The following DNAH7 variants were observed in gnomAD, a reference collection of about 807,000 sequenced individuals.
DNAH7 encodes the protein axonemal beta dynein heavy chain 7.
In DNAH7, 397 loss-of-function variants were observed where a neutral mutation model predicts 444.6. The ratio of observed to expected loss-of-function variants is 0.89; its 90% confidence interval spans 0.82 to 0.97. The LOEUF is 0.97. DNAH7 is among the 50% of genes least tolerant of loss of function. The probability of loss-of-function intolerance (pLI) is 0.00; values close to 1 mark genes in which losing one functional copy is unlikely to be tolerated. For missense variants in DNAH7, 4,902 were observed against 4,800.8 expected, an observed-to-expected ratio of 1.02 and a Z score of -0.62; for synonymous variants, 1,636 against 1,624.4, an observed-to-expected ratio of 1.01 and a Z score of -0.17.
intron 19 of DNAH7, among the ~76,000 whole-genome samples, chr2:195,943,173 A>G (rs1390448645): frequency 6.6e-6 from 1 of 152,188 alleles, no homozygotes; most frequent in East Asian, 1.9e-4. Context: ...CTGTAAGTCA[A>G]TTAAACCTCT....
intron 63 of DNAH7, among the ~76,000 whole-genome samples, chr2:195,746,491 C>T (rs1188133188): frequency 5.3e-5 from 8 of 152,144 alleles, no homozygotes; most frequent in East Asian, 3.8e-4. Flanking sequence ...CTGCACCAAG[C>T]GGACCTAATA....
chr2:196,038,321 TAA>T (rs1696522586), intron 5 of DNAH7, among the ~76,000 whole-genome samples: 1 of 151,886 alleles, frequency 6.6e-6, no homozygotes, highest in Admixed American at 6.6e-5. Context: ...CACTAAAGCA[TAA>T]AATTCACTAG....
At chr2:196,049,391 C>A (rs1276855732) in intron 3 of DNAH7, among the ~76,000 whole-genome samples, 2 of 152,120 alleles carry the variant, frequency 1.3e-5, no homozygotes, top group African/African-American at 4.8e-5. Context: ...CTCATAGAAG[C>A]GCTACGAGGA....
chr2:196,021,012 ATGT>A (rs1201737100), intron 8 of DNAH7, among the ~76,000 whole-genome samples: 3 of 152,198 alleles, frequency 2.0e-5, no homozygotes, highest in Non-Finnish European at 4.4e-5. Flanking sequence ...TTATTCCTAA[ATGT>A]TATTATTAGA....
chr2:196,060,420 G>T (rs1186212213), intron 1 of DNAH7, among the ~76,000 whole-genome samples: 1 of 152,080 alleles, frequency 6.6e-6, no homozygotes. Context: ...TCAGTCTAAA[G>T]ATTTTCTGCT....
intron 63 of DNAH7, among the ~76,000 whole-genome samples, chr2:195,749,415 T>A (rs1028440637): frequency 5.9e-5 from 9 of 151,794 alleles, no homozygotes; most frequent in Non-Finnish European, 8.8e-5. Flanking sequence ...ATTGTGGAAG[T>A]CAGTGTGGCG....
intron 19 of DNAH7, among the ~76,000 whole-genome samples, chr2:195,939,833 T>C (rs548622439): frequency 2.0e-3 from 297 of 152,072 alleles, no homozygotes; most frequent in African/African-American, 6.8e-3. Flanking sequence ...GGAAGTTTCA[T>C]AGAAAATACG....
Position 195,853,417 on chromosome 2 carries a change from T to G in DNAH7, c.8707A>C (p.Asn2903His). The G allele has an allele frequency of 6.2e-7, 1 of 1,614,106 alleles. No homozygotes were observed. Among genetic ancestry groups the G allele is most frequent in the Non-Finnish European group, 8.5e-7 (1 of 1,179,988 alleles). Residue 2903 changes from asparagine (N) to histidine (H), a missense_variant, in exon 46 of 65, where the codon AAC (asparagine) becomes CAC (histidine). Physicochemically the swap from Asn to His is moderately conservative, Grantham distance 68. Transcript: ENST00000312428. ...TALELGQLYI[N>H]LTGDILISSG... Reference sequence around the variant, plus strand: ...GAAATGAGGATATCCCCAGTCAAGTTGATGTACAGCTGACCTAGCTCCAGA... The same window carrying G: ...GAAATGAGGATATCCCCAGTCAAGTGGATGTACAGCTGACCTAGCTCCAGA...
intron 17 of DNAH7, among the ~76,000 whole-genome samples, chr2:195,968,087 T>C (rs1691601494): frequency 6.6e-6 from 1 of 152,210 alleles, no homozygotes; most frequent in African/African-American, 2.4e-5. Context: ...CTGTCAGGCC[T>C]GGGACTCAGC....
intron 39 of DNAH7, 24 bp downstream of exon 39, chr2:195,873,544 A>T: frequency 7.8e-7 from 1 of 1,284,224 alleles, no homozygotes; most frequent in Non-Finnish European, 1.0e-6. Context: ...CTAATTAAAA[A>T]AAAAACAAAT....
chr2:196,012,912 A>G lies in DNAH7; in HGVS notation c.870-6T>C. 6.8e-7 allele frequency: 1 copy of G among 1,476,676 alleles called. No homozygotes were observed. The highest frequency in any genetic ancestry group is 9.0e-7 in the Non-Finnish European group (1 of 1,110,120). 91.5% of individuals were successfully genotyped at this position (1,476,676 alleles called of 1,614,324 possible). A position where few individuals can be genotyped will look rare whatever the true frequency, so the allele number is the denominator to read the frequency against. ...TATCAACTAAACGTAATTTTCTGCA[A>G]AAGATAAAAATAAACAGTAATTTAA... is the stretch of plus-strand genomic sequence containing the variant. On this transcript the variant is annotated splice_region_variant and splice_polypyrimidine_tract_variant and intron_variant, in intron 9 of 64. Coordinates refer to ENST00000312428, the MANE Select transcript of DNAH7 (RefSeq NM_018897.3).
chr2:196,004,105 T>C (rs1694212453), intron 10 of DNAH7, among the ~76,000 whole-genome samples: 1 of 152,156 alleles, frequency 6.6e-6, no homozygotes, highest in South Asian at 2.1e-4. Flanking sequence ...ACAAGTTAGA[T>C]CTATATTACA....
intron 57 of DNAH7, 141 bp from the exon 58 acceptor site, chr2:195,787,312 A>G (rs1695669206): frequency 1.1e-6 from 1 of 908,204 alleles, no homozygotes. Flanking sequence ...ATTATAACAG[A>G]GTTAAGTATG....
intron 64 of DNAH7, among the ~76,000 whole-genome samples, 185 bp downstream of exon 64, chr2:195,740,579 CTG>C (rs1692936793): frequency 8.4e-6 from 1 of 118,694 alleles, no homozygotes; most frequent in Non-Finnish European, 1.7e-5. Context: ...CAAGAATTGA[CTG>C]TATATGTGTG....
chr2:195,930,158 C>G (rs1688596783), intron 21 of DNAH7, among the ~76,000 whole-genome samples: 1 of 152,138 alleles, frequency 6.6e-6, no homozygotes, highest in Non-Finnish European at 1.5e-5. Context: ...TCCTGGTCAA[C>G]ACGATGAAAC....
intron 58 of DNAH7, among the ~76,000 whole-genome samples, chr2:195,784,331 T>C (rs1048921500): frequency 1.3e-5 from 2 of 152,238 alleles, no homozygotes; most frequent in Admixed American, 1.3e-4. Flanking sequence ...TTTCAGGATG[T>C]CATATAGTCG....
At chr2:196,026,255 C>A (rs956165140) in intron 7 of DNAH7, among the ~76,000 whole-genome samples, 1 of 152,144 alleles carries the variant, frequency 6.6e-6, no homozygotes, top group African/African-American at 2.4e-5. Flanking sequence ...TGCCTGTGAG[C>A]TATAGTTTGT....
intron 19 of DNAH7, among the ~76,000 whole-genome samples, chr2:195,954,191 C>G (rs570219293): frequency 6.6e-6 from 1 of 152,214 alleles, no homozygotes; most frequent in African/African-American, 2.4e-5. Context: ...CCCCACCCCA[C>G]GACAGGCCCT....
At chr2:195,927,712 G>C (rs1688431644) in intron 21 of DNAH7, among the ~76,000 whole-genome samples, 1 of 151,272 alleles carries the variant, frequency 6.6e-6, no homozygotes, top group Non-Finnish European at 1.5e-5. Context: ...AATATTATAT[G>C]TAAAGTCTAT....
Sources: gnomAD v4.1 joint callset for allele counts (sites outside exome capture counted in the v4.1 genomes callset) on GRCh38, gnomAD v4.1.1 for gene constraint, MANE v1.5 for transcripts, NCBI Gene and HGNC (gene_info 2026-07-23, HGNC 2026-07-21) for gene names.